TNIP3: variants seen among roughly 807,000 people sequenced by gnomAD.
TNIP3 encodes TNFAIP3 interacting protein 3.
In TNIP3, 34 loss-of-function variants were observed where a neutral mutation model predicts 54.1. That is an observed-to-expected ratio of 0.63 (90% confidence interval 0.48 to 0.84). TNIP3 has a LOEUF of 0.84. TNIP3 is among the 40% of genes least tolerant of loss of function. The pLI is 0.00. For missense variants in TNIP3, 366 were observed against 387.6 expected (o/e 0.94, Z 0.47); for synonymous variants, 134 against 136.8 (o/e 0.98, Z 0.14).
intron 3 of TNIP3, among the ~76,000 whole-genome samples, chr4:121,170,822 C>CT (rs990824585): frequency 2.2e-4 from 33 of 148,840 alleles, no homozygotes; most frequent in Middle Eastern, 6.8e-3. Flanking sequence ...TAAGAGATAT[C>CT]TTTTTTTTTT....
At chr4:121,208,395 A>G (rs1394513953) in intron 2 of TNIP3, among the ~76,000 whole-genome samples, 1 of 152,120 alleles carries the variant, frequency 6.6e-6, no homozygotes, top group Non-Finnish European at 1.5e-5. Context: ...CAATAAACTG[A>G]TTCATCTGGT....
chr4:121,194,364 A>G (rs1323388566), intron 2 of TNIP3, among the ~76,000 whole-genome samples: 1 of 152,174 alleles, frequency 6.6e-6, no homozygotes, highest in African/African-American at 2.4e-5. Flanking sequence ...AACCTAAAAG[A>G]TAAGATCTGA....
At chr4:121,158,576 G>T in intron 3 of TNIP3, 111 bp downstream of exon 3, 1 of 843,782 alleles carries the variant, frequency 1.2e-6, no homozygotes, top group Non-Finnish European at 1.9e-6. Context: ...TTTTCCAACA[G>T]TTGGCTATCC....
At chr4:121,206,355 A>G (rs188351743) in intron 2 of TNIP3, among the ~76,000 whole-genome samples, 5 of 152,264 alleles carry the variant, frequency 3.3e-5, no homozygotes, top group Non-Finnish European at 7.3e-5. Context: ...CCTTAACACA[A>G]TTAGGAAGGA....
At chr4:121,196,493 T>C (rs1036209133) in intron 2 of TNIP3, among the ~76,000 whole-genome samples, 5 of 152,146 alleles carry the variant, frequency 3.3e-5, no homozygotes, top group African/African-American at 1.2e-4. Flanking sequence ...TGGTTGACTA[T>C]GTAATAGAAA....
upstream of TNIP3, among the ~76,000 whole-genome samples, chr4:121,221,164 TAAGA>T (rs1727009620): frequency 6.6e-6 from 1 of 152,182 alleles, no homozygotes; most frequent in Admixed American, 6.5e-5. Flanking sequence ...CTATTATTGG[TAAGA>T]AAGAAATGTA....
chr4:121,173,081 A>G (rs1226830546), intron 3 of TNIP3, among the ~76,000 whole-genome samples: 14 of 152,202 alleles, frequency 9.2e-5, no homozygotes, highest in Admixed American at 8.5e-4. Context: ...GGCTGAACCC[A>G]TATCAGAGCT....
chr4:121,218,018 C>T (rs1225439630), upstream of TNIP3, among the ~76,000 whole-genome samples: 2 of 152,084 alleles, frequency 1.3e-5, no homozygotes, highest in Admixed American at 6.6e-5. Context: ...AAACACCAAA[C>T]CATCTGACTC....
At chr4:121,202,993 A>G (rs1290915214) in intron 2 of TNIP3, among the ~76,000 whole-genome samples, 1 of 152,158 alleles carries the variant, frequency 6.6e-6, no homozygotes, top group African/African-American at 2.4e-5. Context: ...GAAAACTACT[A>G]CAACCACTAT....
At chr4:121,141,715 G>T in intron 9 of TNIP3, 101 bp downstream of exon 9, 1 of 737,846 alleles carries the variant, frequency 1.4e-6, no homozygotes, top group Non-Finnish European at 2.0e-6. Context: ...GAAAACAGAG[G>T]CTCTTGCTGT....
chr4:121,225,390 C>G (rs540899619), intron 1 of TNIP3, among the ~76,000 whole-genome samples: 1 of 152,210 alleles, frequency 6.6e-6, no homozygotes, highest in Non-Finnish European at 1.5e-5. Flanking sequence ...ATTTTTTACT[C>G]ATGCTCTGTG....
Position 121,157,045 on chromosome 4 carries a change from T to A in TNIP3, c.363+49A>T, listed in dbSNP as rs756760886. On this transcript the variant is annotated intron_variant, in intron 4 of 10. Coordinates refer to ENST00000057513, the MANE Select transcript of TNIP3 (RefSeq NM_024873.6). Reference sequence around the variant, plus strand: ...TTTCTACAGGAAATCCCCCCGCCCCTTTGCTTTTATTTGGATCCTCCGGGC... The same window carrying A: ...TTTCTACAGGAAATCCCCCCGCCCCATTGCTTTTATTTGGATCCTCCGGGC... The A allele has an allele frequency of 1.4e-5, 23 of 1,604,352 alleles. No individual in the cohort carries two copies. In the South Asian group the frequency reaches 2.3e-4, roughly 16 times the overall value.
intron 2 of TNIP3, among the ~76,000 whole-genome samples, chr4:121,183,614 G>A (rs1423410968): frequency 2.0e-5 from 3 of 152,188 alleles, no homozygotes; most frequent in Admixed American, 6.5e-5. Flanking sequence ...CCCTCCCCAT[G>A]GCTCACATTA....
chr4:121,205,811 C>T (rs1726151268), intron 2 of TNIP3, among the ~76,000 whole-genome samples: 1 of 152,138 alleles, frequency 6.6e-6, no homozygotes, highest in South Asian at 2.1e-4. Context: ...AGTCTGTTCT[C>T]ATGCTGCTAT....
intron 2 of TNIP3, among the ~76,000 whole-genome samples, chr4:121,209,494 C>A (rs1168076084): frequency 6.6e-6 from 1 of 152,110 alleles, no homozygotes; most frequent in South Asian, 2.1e-4. Context: ...AAAAAAACTA[C>A]GCATTTGTGG....
At chr4:121,220,971 CAT>C (rs1201140613), upstream of TNIP3, among the ~76,000 whole-genome samples, 2 of 152,118 alleles carry the variant, frequency 1.3e-5, no homozygotes, top group Non-Finnish European at 2.9e-5. Context: ...TAAGTGAAGA[CAT>C]ATCCTCCCCA....
chr4:121,188,205 C>T (rs1725121627), intron 2 of TNIP3, among the ~76,000 whole-genome samples: 1 of 152,024 alleles, frequency 6.6e-6, no homozygotes, highest in South Asian at 2.1e-4. Context: ...TCCTGCCCTT[C>T]ACTCACAAGA....
At chr4:121,146,998 G>T (rs770196304) in intron 7 of TNIP3, 51 bp downstream of exon 7, 1 of 1,546,822 alleles carries the variant, frequency 6.5e-7, no homozygotes, top group Non-Finnish European at 8.7e-7. Flanking sequence ...TTTTTTAAAT[G>T]AAAAAAATAT....
chr4:121,190,239 G>C (rs1443904877), intron 2 of TNIP3, among the ~76,000 whole-genome samples: 1 of 152,086 alleles, frequency 6.6e-6, no homozygotes, highest in African/African-American at 2.4e-5. Flanking sequence ...TGGCCTTTTT[G>C]CCTGGCGTGT....
Sources: gnomAD v4.1 joint callset for allele counts (sites outside exome capture counted in the v4.1 genomes callset) on GRCh38, gnomAD v4.1.1 for gene constraint, MANE v1.5 for transcripts, NCBI Gene and HGNC (gene_info 2026-07-23, HGNC 2026-07-21) for gene names.